SCARA3: variants seen among roughly 807,000 people sequenced by gnomAD.
SCARA3 encodes the protein scavenger receptor class A member 3, also known as cellular stress response gene protein.
SCARA3 carries 39 observed loss-of-function variants against 47.0 expected under a neutral mutation model. That is an observed-to-expected ratio of 0.83 (90% CI 0.64 to 1.08). The LOEUF (loss-of-function observed/expected upper bound fraction) is 1.08, where lower values mean the gene tolerates loss of function less well. Among genes scored for constraint, SCARA3 ranks in the 50% least tolerant of loss-of-function variants. The probability of loss-of-function intolerance (pLI) is 0.00; values close to 1 mark genes in which losing one functional copy is unlikely to be tolerated. For synonymous variants in SCARA3, 356 were observed against 334.1 expected (o/e 1.07, Z -0.71); for missense variants, 724 against 792.3 (o/e 0.91, Z 1.04).
chr8:27,672,944 T>C lies in SCARA3; in HGVS notation c.*1593T>C, dbSNP rs1274784010. The C allele has an allele frequency of 2.0e-6, 2 of 985,386 alleles. No homozygotes were observed. The highest frequency in any genetic ancestry group is 2.4e-6 in the Non-Finnish European group (2 of 829,968). 61.0% of individuals were successfully genotyped at this position (985,386 alleles called of 1,614,324 possible). ...GTTTGCACTGCACACCCCACGGCCA[T>C]GTAACTCTCCTGTCCACATATGATA... On this transcript the variant is annotated 3_prime_UTR_variant, in exon 6 of 6. Transcript: ENST00000301904.
chr8:27,688,679 G>A, the SCARA3 span, among the ~76,000 whole-genome samples: 1 of 152,126 alleles, frequency 6.6e-6, no homozygotes, highest in Non-Finnish European at 1.5e-5. Flanking sequence ...GAGACCTGGA[G>A]AGAAAACAGG....
the SCARA3 span, among the ~76,000 whole-genome samples, chr8:27,694,996 C>G: frequency 6.6e-6 from 1 of 152,040 alleles, no homozygotes; most frequent in African/African-American, 2.4e-5. Flanking sequence ...TGCACATGCA[C>G]AAGGTAAGAT....
chr8:27,681,175 T>C (rs1418907287), downstream of SCARA3, among the ~76,000 whole-genome samples: 1 of 151,962 alleles, frequency 6.6e-6, no homozygotes, highest in African/African-American at 2.4e-5. Flanking sequence ...AGATAACTTA[T>C]AAAAAATGGA....
At position 27,673,009 on chromosome 8, in the gene SCARA3, A is replaced by G. The variant is rs1431848799; in HGVS notation, c.*1658A>G. ...AGTATTACTGACTCAGTAAAGAGCT[A>G]TTTCCAGGAGTGAGGTGTCTTTGAG... On this transcript the variant is annotated 3_prime_UTR_variant, in exon 6 of 6. Coordinates refer to ENST00000301904, the MANE Select transcript of SCARA3 (RefSeq NM_016240.3). 6.1e-6 allele frequency: 6 copies of G among 985,018 alleles called. No homozygotes were observed. Among genetic ancestry groups the G allele is most frequent in the Non-Finnish European group, 7.2e-6 (6 of 829,710 alleles). 61.0% of individuals were successfully genotyped at this position (985,018 alleles called of 1,614,324 possible). A position where few individuals can be genotyped will look rare whatever the true frequency, so the allele number is the denominator to read the frequency against.
At chr8:27,722,162 A>G in the SCARA3 span, among the ~76,000 whole-genome samples, 1 of 152,214 alleles carries the variant, frequency 6.6e-6, no homozygotes, top group Non-Finnish European at 1.5e-5. Flanking sequence ...ATTTGTAGAC[A>G]TTAATTAAAT....
At chr8:27,714,330 G>A in the SCARA3 span, among the ~76,000 whole-genome samples, 4 of 151,552 alleles carry the variant, frequency 2.6e-5, no homozygotes, top group Non-Finnish European at 5.9e-5. Flanking sequence ...AAGTAGCTGG[G>A]ATTACAGGTG....
the SCARA3 span, among the ~76,000 whole-genome samples, chr8:27,731,212 G>A: frequency 6.6e-6 from 1 of 150,556 alleles, no homozygotes; most frequent in South Asian, 2.1e-4. Flanking sequence ...CAATCCTCCT[G>A]CCTTGGCCTC....
chr8:27,715,484 G>A, the SCARA3 span, among the ~76,000 whole-genome samples: 7 of 151,626 alleles, frequency 4.6e-5, no homozygotes, highest in African/African-American at 1.7e-4. The surrounding 1 kb of genome is among the most constrained non-coding windows in gnomAD (Gnocchi z 4.2). Flanking sequence ...CCATGGTCCA[G>A]CACTCCGCAG....
At chr8:27,649,221 G>A (rs1294352347) in intron 1 of SCARA3, among the ~76,000 whole-genome samples, 1 of 152,160 alleles carries the variant, frequency 6.6e-6, no homozygotes, top group East Asian at 1.9e-4. Context: ...CGCCCATCCT[G>A]TCATCTCCTC....
Position 27,638,048 on chromosome 8 carries a change from C to T in SCARA3, c.7+3841C>T, listed in dbSNP as rs960393700. Among the ~76,000 whole-genome samples the T allele has an allele frequency of 4.6e-5, 7 of 152,220 alleles. No homozygotes were observed. The East Asian group carries it at 1.4e-3, about 30-fold the overall frequency. ...AGTTCGGCTCCAAATCCTCAAACAT[C>T]GGCCCCACTCCCACCCCCAGCCAAA... On this transcript the variant is annotated intron_variant, in intron 1 of 5. Transcript: ENST00000301904.
the SCARA3 span, among the ~76,000 whole-genome samples, chr8:27,706,663 G>A: frequency 2.0e-5 from 3 of 152,156 alleles, no homozygotes; most frequent in Non-Finnish European, 4.4e-5. Flanking sequence ...TGAAGAGAAG[G>A]CAGAGAAGAC....
rs1700080383 is a variant in SCARA3, at chr8:27,656,827, A to C, written c.272A>C (p.Gln91Pro). The change falls in exon 4 of 6, where the codon CAG (glutamine) becomes CCG (proline). Residue 91 changes from glutamine (Q) to proline (P), a missense_variant. By Grantham distance (76) the Gln-to-Pro change is moderately conservative (BLOSUM62 -1). Transcript: ENST00000301904. ...CTCTCCGAAGACATCTCCTTGACCC[A>C]GTCTATTTATGACAAGAAGCTTGTG... ...DSLSEDISLTQSIYDKKLVLM... is the reference protein window; with the variant it reads ...DSLSEDISLTPSIYDKKLVLM... 1 of 1,613,328 alleles carries C rather than the reference A, an allele frequency of 6.2e-7. No individual in the cohort carries two copies. Among genetic ancestry groups the C allele is most frequent in the African/African-American group, 1.3e-5 (1 of 74,908 alleles).
At chr8:27,655,404 C>T (rs1801721897) in intron 3 of SCARA3, among the ~76,000 whole-genome samples, 1 of 152,188 alleles carries the variant, frequency 6.6e-6, no homozygotes, top group African/African-American at 2.4e-5. Context: ...TCCCTCACTA[C>T]CAGGCCCATT....
At chr8:27,703,693 G>C in the SCARA3 span, 3 of 152,092 alleles carry the variant, frequency 2.0e-5, no homozygotes, top group African/African-American at 7.2e-5. Context: ...CTCCGGACCT[G>C]GAAAGAATCT....
the SCARA3 span, among the ~76,000 whole-genome samples, chr8:27,711,184 G>T: frequency 6.6e-6 from 1 of 152,096 alleles, no homozygotes; most frequent in Non-Finnish European, 1.5e-5. Context: ...AGCCTCCCAA[G>T]GTGCTGGGAT....
chr8:27,733,257 T>C, the SCARA3 span: 1 of 152,210 alleles, frequency 6.6e-6, no homozygotes, highest in African/African-American at 2.4e-5. Context: ...GCACATCCCA[T>C]CAGTGAGACT....
intron 1 of SCARA3, among the ~76,000 whole-genome samples, chr8:27,641,033 T>G (rs1220020689): frequency 1.3e-5 from 2 of 152,222 alleles, no homozygotes; most frequent in African/African-American, 4.8e-5. Flanking sequence ...TAACATCCCA[T>G]AGTAAGACTC....
the SCARA3 span, among the ~76,000 whole-genome samples, chr8:27,712,542 G>A: frequency 8.2e-6 from 1 of 121,924 alleles, no homozygotes. Context: ...CAGCCTGGGT[G>A]ACAGAGCGAG....
At chr8:27,730,488 ATT>A in the SCARA3 span, among the ~76,000 whole-genome samples, 2 of 137,184 alleles carry the variant, frequency 1.5e-5, no homozygotes, top group African/African-American at 2.7e-5. Context: ...TCTGCCTTTG[ATT>A]TTTTTTTTTT....
Sources: allele counts gnomAD v4.1 joint callset (sites outside exome capture counted in the v4.1 genomes callset), GRCh38; gene constraint gnomAD v4.1.1; non-coding constraint Gnocchi (gnomAD v3.1); transcripts MANE v1.5; gene names NCBI Gene and HGNC (gene_info 2026-07-23, HGNC 2026-07-21).